Variants in PRIM2 observed in about 807,000 individuals in gnomAD.
PRIM2 encodes the protein DNA primase large subunit.
In PRIM2, 39 loss-of-function variants were observed where a neutral mutation model predicts 67.3. That is an observed-to-expected ratio of 0.58 (90% CI 0.45 to 0.76). The LOEUF (loss-of-function observed/expected upper bound fraction) is 0.76, where lower values mean the gene tolerates loss of function less well. Ranked by LOEUF, PRIM2 falls within the 30% of genes least tolerant of loss-of-function variation. The pLI is 0.00. For synonymous variants in PRIM2, 143 were observed against 198.7 expected (o/e 0.72, Z 2.36); for missense variants, 398 against 598.7 (o/e 0.66, Z 3.50).
intron 7 of PRIM2, among the ~76,000 whole-genome samples, chr6:57,489,933 T>G (rs1231516474): frequency 6.6e-6 from 1 of 151,818 alleles, no homozygotes; most frequent in Admixed American, 6.6e-5. Context: ...AAGTGTTTTT[T>G]TTTTTTTTTT....
chr6:57,436,697 G>C (rs1309568217), intron 7 of PRIM2, among the ~76,000 whole-genome samples: 1 of 151,902 alleles, frequency 6.6e-6, no homozygotes, highest in Non-Finnish European at 1.5e-5. Flanking sequence ...ACCCTTTTTT[G>C]TTGTTGTGAT....
At chr6:57,332,335 T>A (rs1318099430) in intron 5 of PRIM2, among the ~76,000 whole-genome samples, 1 of 152,160 alleles carries the variant, frequency 6.6e-6, no homozygotes, top group Non-Finnish European at 1.5e-5. Flanking sequence ...GAAGAATGTG[T>A]ATCTGCTATT....
At chr6:57,241,766 G>A in the PRIM2 span, among the ~76,000 whole-genome samples, 5 of 139,366 alleles carry the variant, frequency 3.6e-5, no homozygotes, top group South Asian at 2.2e-4. Context: ...TCTGCCTCCC[G>A]GGTTCACGCC....
chr6:57,632,381 G>A (rs1200172118), intron 13 of PRIM2, among the ~76,000 whole-genome samples, 180 bp downstream of exon 13: 2 of 152,086 alleles, frequency 1.3e-5, no homozygotes, highest in African/African-American at 2.4e-5. Context: ...CTTGGATGCT[G>A]CAGAACCAGG....
chr6:57,369,917 A>G (rs1483417983), intron 5 of PRIM2, among the ~76,000 whole-genome samples: 1 of 152,226 alleles, frequency 6.6e-6, no homozygotes, highest in Non-Finnish European at 1.5e-5. Flanking sequence ...ACAGGTAGTA[A>G]CAACAAGTGT....
At chr6:57,597,003 G>C (rs1228340672) in intron 10 of PRIM2, among the ~76,000 whole-genome samples, 2 of 151,396 alleles carry the variant, frequency 1.3e-5, no homozygotes, top group Admixed American at 6.6e-5. Context: ...AACAGCTACC[G>C]CTTATTTGCT....
chr6:57,606,177 G>A (rs1776558035), intron 11 of PRIM2, among the ~76,000 whole-genome samples, 198 bp from the exon 12 acceptor site: 1 of 152,180 alleles, frequency 6.6e-6, no homozygotes, highest in Admixed American at 6.5e-5. Context: ...CTTGAGCCTG[G>A]AGTGCCCTGA....
chr6:57,597,801 GA>G (rs1332749423), intron 10 of PRIM2, among the ~76,000 whole-genome samples: 94 of 152,264 alleles, frequency 6.2e-4, no homozygotes, highest in African/African-American at 2.1e-3. Flanking sequence ...TCACTTAAAA[GA>G]GGGGGGATTT....
rs1302354924 is a variant in PRIM2 at position 57,471,285 on chromosome 6, A to G, written c.694-36102A>G. Reference sequence around the variant, plus strand: ...CTAAGGCAGAAAGAGCAGGAGAGCCAAGGGGAGGGAGTTAATAAGGCAAGA... The same window carrying G: ...CTAAGGCAGAAAGAGCAGGAGAGCCGAGGGGAGGGAGTTAATAAGGCAAGA... On this transcript the variant is annotated intron_variant, in intron 7 of 13. Transcript: ENST00000615550. 4.7e-4 allele frequency among the ~76,000 whole-genome samples: 71 copies of G among 152,228 alleles called. No individual in the cohort carries two copies. The Middle Eastern group carries it at 0.01, about 22-fold the overall frequency.
chr6:57,624,982 C>T (rs1191413911), intron 12 of PRIM2, among the ~76,000 whole-genome samples: 1 of 152,158 alleles, frequency 6.6e-6, no homozygotes, highest in African/African-American at 2.4e-5. Context: ...GGGGTTTCCC[C>T]TACAAAACCA....
chr6:57,262,091 C>A, the PRIM2 span, among the ~76,000 whole-genome samples: 1 of 152,168 alleles, frequency 6.6e-6, no homozygotes, highest in African/African-American at 2.4e-5. Flanking sequence ...CCCACTGTTG[C>A]CCAGATCAGC....
chr6:57,292,868 C>A, the PRIM2 span, among the ~76,000 whole-genome samples: 1 of 152,140 alleles, frequency 6.6e-6, no homozygotes, highest in African/African-American at 2.4e-5. Context: ...AAATGTTAGA[C>A]CTAAAACCGT....
chr6:57,498,882 C>T (rs1487406401), intron 7 of PRIM2, among the ~76,000 whole-genome samples: 1 of 152,142 alleles, frequency 6.6e-6, no homozygotes, highest in African/African-American at 2.4e-5. Context: ...TACGTATTTA[C>T]CTCCTTGTGT....
chr6:57,244,217 T>A, the PRIM2 span, among the ~76,000 whole-genome samples: 1 of 152,148 alleles, frequency 6.6e-6, no homozygotes, highest in Non-Finnish European at 1.5e-5. Flanking sequence ...CAAGTTTGAA[T>A]CCTTTATTTG....
intron 7 of PRIM2, among the ~76,000 whole-genome samples, chr6:57,443,672 A>G (rs1581909898): frequency 6.6e-6 from 1 of 152,098 alleles, no homozygotes; most frequent in Non-Finnish European, 1.5e-5. Flanking sequence ...TTAAACCCTT[A>G]TCAGGCGTAA....
rs1305655408 is a variant in PRIM2, at chr6:57,455,419, C to CT, written c.694-51967dup. ...TCTCCCATTATTATTGTGTGGTAGT[C>CT]TAAGTCTCTTTGTAGGTCTCTAAGG... On this transcript the variant is annotated intron_variant, in intron 7 of 13. Transcript: ENST00000615550. Among the ~76,000 whole-genome samples, 5 of 152,248 alleles carry CT rather than the reference C, an allele frequency of 3.3e-5. No homozygotes were observed. In the East Asian group the frequency reaches 7.7e-4, roughly 23 times the overall value.
intron 9 of PRIM2, among the ~76,000 whole-genome samples, chr6:57,533,828 G>A (rs1352732729): frequency 6.6e-6 from 1 of 152,168 alleles, no homozygotes; most frequent in Non-Finnish European, 1.5e-5. Flanking sequence ...ACAGAAGTGA[G>A]GAAAACAGAA....
At chr6:57,499,924 A>G (rs1774094975) in intron 7 of PRIM2, among the ~76,000 whole-genome samples, 1 of 152,168 alleles carries the variant, frequency 6.6e-6, no homozygotes, top group Non-Finnish European at 1.5e-5. Flanking sequence ...TTAAATCTAA[A>G]TGTAAATCTC....
chr6:57,584,120 T>C (rs1241073501), intron 10 of PRIM2, among the ~76,000 whole-genome samples: 2 of 152,238 alleles, frequency 1.3e-5, no homozygotes, highest in East Asian at 3.8e-4. Context: ...ATTAGGAATT[T>C]AGAAATTTTA....
Sources: allele counts gnomAD v4.1 joint callset (sites outside exome capture counted in the v4.1 genomes callset), GRCh38; gene constraint gnomAD v4.1.1; transcripts MANE v1.5; gene names NCBI Gene and HGNC (gene_info 2026-07-23, HGNC 2026-07-21).